The following ULK4 variants were observed in gnomAD, a reference collection of about 807,000 sequenced individuals.
ULK4 encodes the protein unc-51 like kinase 4.
In ULK4, 133 loss-of-function variants were observed where a neutral mutation model predicts 160.6. That is an observed-to-expected ratio of 0.83 (90% CI 0.72 to 0.96). The LOEUF (loss-of-function observed/expected upper bound fraction) is 0.96, where lower values mean the gene tolerates loss of function less well. ULK4 is among the 40% of genes least tolerant of loss of function. ULK4 has a pLI of 0.00. For missense variants in ULK4, 1,580 were observed against 1,499.5 expected (o/e 1.05, Z -0.89); for synonymous variants, 534 against 539.8 (o/e 0.99, Z 0.15).
chr3:41,806,395 C>T lies in ULK4; in HGVS notation c.1849-6102G>A, dbSNP rs1276913998. ...TCTCTTTTCTTCTTTATTAGTCTTGCTAGTGGTCTATCAGTTTTGTTGATC... is the reference window on the plus strand; with the variant it reads ...TCTCTTTTCTTCTTTATTAGTCTTGTTAGTGGTCTATCAGTTTTGTTGATC... On this transcript the variant is annotated intron_variant, in intron 19 of 36. Transcript: ENST00000301831. Among the ~76,000 whole-genome samples the T allele has an allele frequency of 6.6e-5, 10 of 152,194 alleles. No homozygotes were observed. In the South Asian group the frequency reaches 8.3e-4, roughly 13 times the overall value.
intron 21 of ULK4, among the ~76,000 whole-genome samples, chr3:41,762,828 A>G (rs2039033988): frequency 6.6e-6 from 1 of 151,806 alleles, no homozygotes; most frequent in Non-Finnish European, 1.5e-5. Flanking sequence ...ATATCCCACT[A>G]ATTTTTTTCT....
intron 2 of ULK4, among the ~76,000 whole-genome samples, chr3:41,953,306 T>TATATATGTA (rs1447473585): frequency 2.2e-5 from 2 of 91,834 alleles, no homozygotes; most frequent in Non-Finnish European, 4.2e-5. Flanking sequence ...ATATATATAT[T>TATATATGTA]TTTTTTTTTT....
At chr3:41,430,904 T>A (rs1413954740) in intron 34 of ULK4, among the ~76,000 whole-genome samples, 1 of 150,996 alleles carries the variant, frequency 6.6e-6, no homozygotes, top group Non-Finnish European at 1.5e-5. Flanking sequence ...CAATGAGGTT[T>A]GGGGGTGGGG....
chr3:41,635,541 GAT>G (rs1200133305), intron 30 of ULK4, among the ~76,000 whole-genome samples: 1 of 152,070 alleles, frequency 6.6e-6, no homozygotes, highest in Non-Finnish European at 1.5e-5. Flanking sequence ...AATGAATTTT[GAT>G]ATGTTACTTG....
At chr3:41,674,428 T>C (rs1216016318) in intron 29 of ULK4, among the ~76,000 whole-genome samples, 1 of 152,234 alleles carries the variant, frequency 6.6e-6, no homozygotes, top group African/African-American at 2.4e-5. Flanking sequence ...AAATTAAATC[T>C]TGTCTCTCAG....
At chr3:41,644,491 A>C (rs2034385953) in intron 30 of ULK4, among the ~76,000 whole-genome samples, 1 of 152,232 alleles carries the variant, frequency 6.6e-6, no homozygotes, top group African/African-American at 2.4e-5. Context: ...ATGTTGGATT[A>C]CATTTATTGA....
At chr3:41,438,349 G>T (rs2083082935) in intron 34 of ULK4, among the ~76,000 whole-genome samples, 1 of 152,076 alleles carries the variant, frequency 6.6e-6, no homozygotes, top group Non-Finnish European at 1.5e-5. Context: ...TTTATTGAGA[G>T]CGTGCTATGG....
At chr3:41,747,729 C>T (rs2038465519) in intron 22 of ULK4, among the ~76,000 whole-genome samples, 1 of 152,068 alleles carries the variant, frequency 6.6e-6, no homozygotes, top group South Asian at 2.1e-4. Context: ...GGAAAAGACA[C>T]CATGAGTGCA....
chr3:41,357,395 C>T (rs1018166460), intron 35 of ULK4, among the ~76,000 whole-genome samples: 12 of 152,072 alleles, frequency 7.9e-5, no homozygotes, highest in Admixed American at 3.3e-4. Flanking sequence ...GTGTTCATGG[C>T]GTGTGGGGTA....
intron 30 of ULK4, among the ~76,000 whole-genome samples, chr3:41,654,992 T>C (rs1315507720): frequency 1.3e-5 from 2 of 152,116 alleles, no homozygotes; most frequent in African/African-American, 2.4e-5. Flanking sequence ...AGCATCAAAT[T>C]ATTTCTGAAG....
At chr3:41,744,277 T>C (rs1001038722) in intron 22 of ULK4, among the ~76,000 whole-genome samples, 8 of 152,020 alleles carry the variant, frequency 5.3e-5, no homozygotes, top group South Asian at 4.1e-4. Flanking sequence ...TGATACAAAA[T>C]TATGACCCAA....
At chr3:41,513,731 G>C (rs576553542) in intron 32 of ULK4, among the ~76,000 whole-genome samples, 1 of 152,166 alleles carries the variant, frequency 6.6e-6, no homozygotes, top group Non-Finnish European at 1.5e-5. Flanking sequence ...ATCAAACATT[G>C]TATGTTCTCA....
At chr3:41,821,222 G>A (rs1277289841) in intron 18 of ULK4, among the ~76,000 whole-genome samples, 1 of 152,166 alleles carries the variant, frequency 6.6e-6, no homozygotes, top group African/African-American at 2.4e-5. Context: ...AAAGCCAGCT[G>A]CTTGTTTTCT....
Position 41,515,129 on chromosome 3 carries a change from C to T in ULK4, c.3226+50896G>A, listed in dbSNP as rs1177497659. ...AAAATTAGCTGTGTGTGATGGTACACCCTTGTAATCCCACCTACTTAGGAG... is the reference window on the plus strand; with the variant it reads ...AAAATTAGCTGTGTGTGATGGTACATCCTTGTAATCCCACCTACTTAGGAG... On this transcript the variant is annotated intron_variant, in intron 32 of 36. Coordinates refer to ENST00000301831, the MANE Select transcript of ULK4 (RefSeq NM_017886.4). 4.6e-5 allele frequency among the ~76,000 whole-genome samples: 7 copies of T among 151,652 alleles called. No homozygotes were observed. In the East Asian group the frequency reaches 1.4e-3, roughly 29 times the overall value.
intron 35 of ULK4, among the ~76,000 whole-genome samples, chr3:41,389,141 T>C (rs1454975799): frequency 1.3e-5 from 2 of 152,138 alleles, no homozygotes; most frequent in Non-Finnish European, 2.9e-5. Flanking sequence ...GAAGCAATTG[T>C]GAATGGGAGT....
At chr3:41,258,387 G>C (rs2078875832) in intron 35 of ULK4, 1 of 152,174 alleles carries the variant, frequency 6.6e-6, no homozygotes, top group Admixed American at 6.5e-5. Flanking sequence ...ATGACTAAGA[G>C]ACTATTGGTG....
chr3:41,371,856 G>A (rs943495443), intron 35 of ULK4, among the ~76,000 whole-genome samples: 3 of 151,982 alleles, frequency 2.0e-5, no homozygotes, highest in African/African-American at 7.2e-5. Context: ...CCAAGCTAAA[G>A]AGCATCTTCT....
chr3:41,522,113 GTTTTTTCTT>G (rs2085949130), intron 32 of ULK4, among the ~76,000 whole-genome samples: 1 of 145,514 alleles, frequency 6.9e-6, no homozygotes, highest in Admixed American at 6.8e-5. Flanking sequence ...CTGGTTAAAT[GTTTTTTCTT>G]TTTTTTCTTT....
At chr3:41,801,660 G>A (rs1486622736) in intron 19 of ULK4, among the ~76,000 whole-genome samples, 1 of 151,940 alleles carries the variant, frequency 6.6e-6, no homozygotes, top group Non-Finnish European at 1.5e-5. Flanking sequence ...GACCAGCATG[G>A]GCAACATAGC....
Sources: gnomAD v4.1 joint callset for allele counts (sites outside exome capture counted in the v4.1 genomes callset) on GRCh38, gnomAD v4.1.1 for gene constraint, MANE v1.5 for transcripts, NCBI Gene and HGNC (gene_info 2026-07-23, HGNC 2026-07-21) for gene names.